Variants in MPV17 observed in about 807,000 individuals in gnomAD.
The protein encoded by MPV17 is mitochondrial inner membrane protein MPV17, also known as MPV17, mitochondrial inner membrane protein.
In MPV17, 31 loss-of-function variants were observed where a neutral mutation model predicts 28.6. The ratio of observed to expected loss-of-function variants is 1.08; its 90% CI spans 0.81 to 1.46. MPV17 has a LOEUF of 1.46. Among genes scored for constraint, MPV17 ranks in the 40% most tolerant of loss-of-function variants. The pLI is 0.00. For synonymous variants in MPV17, 87 were observed against 85.3 expected (o/e 1.02, Z -0.11); for missense variants, 198 against 216.2 (o/e 0.92, Z 0.53).
rs1413967658 is a variant in MPV17 at position 27,309,725 on chromosome 2, C to T, written c.*187G>A. The T allele has an allele frequency of 1.5e-6, 1 of 667,294 alleles. No homozygotes were observed. The highest frequency in any genetic ancestry group is 1.7e-5 in the South Asian group (1 of 58,988). 41.3% of individuals were successfully genotyped at this position (667,294 alleles called of 1,614,324 possible). A position where few individuals can be genotyped will look rare whatever the true frequency, so the allele number is the denominator to read the frequency against. On this transcript the variant is annotated 3_prime_UTR_variant, in exon 8 of 8. Transcript: ENST00000380044. ...TATGTGGTGGGAATAAGACTATTAT[C>T]AAGGGCTCTAAAGCAGTCAGTGTAC... is the stretch of plus-strand genomic sequence containing the variant.
chr2:27,309,957 A>G lies in MPV17; in HGVS notation c.486T>C (p.Ala162=), dbSNP rs1298271939. The change falls in exon 8 of 8, where the codon GCT becomes GCC. Residue 162 remains alanine, a synonymous_variant. Transcript: ENST00000380044. The stretch of plus-strand genomic sequence containing the variant: ...AGGACAGGTAGGAGTTCCAGATAAC[A>G]GCAACACATTGGACAACGGCCAACC... ...HYRLAVVQCV[A]VIWNSYLSWK... is the part of the protein sequence containing the mutation. The G allele has an allele frequency of 6.2e-7, 1 of 1,614,110 alleles. No individual in the cohort carries two copies. Among genetic ancestry groups the G allele is most frequent in the East Asian group, 2.2e-5 (1 of 44,890 alleles).
rs1297478684 is a variant in MPV17 at position 27,312,978 on chromosome 2, T to C, written c.186+16A>G. On this transcript the variant is annotated intron_variant, in intron 3 of 7. Coordinates refer to ENST00000380044, the MANE Select transcript of MPV17 (RefSeq NM_002437.5). ...ACTGTTGAGTCCACTGAAGCCCTGTTGAGGGGAGAACTTACCACAAAGCCA... is the reference window on the plus strand; with the variant it reads ...ACTGTTGAGTCCACTGAAGCCCTGTCGAGGGGAGAACTTACCACAAAGCCA... The C allele has an allele frequency of 6.2e-7, 1 of 1,613,826 alleles. No individual in the cohort carries two copies. Among genetic ancestry groups the C allele is most frequent in the African/African-American group, 1.3e-5 (1 of 75,032 alleles).
rs551434780 is a variant in MPV17, at chr2:27,317,304, C to A, written c.71-4195G>T. 712 of 1,348,216 alleles carry A rather than the reference C, an allele frequency of 5.3e-4. No homozygotes were observed. Among genetic ancestry groups the A allele is most frequent in the Non-Finnish European group, 6.8e-4 (687 of 1,013,668 alleles). The allele number at this position is 1,348,216 out of a possible 1,614,324, so 83.5% of individuals were successfully genotyped here. The stretch of plus-strand genomic sequence containing the variant: ...ACAGAGCCCAGAGGGAGTGGAAGCC[C>A]AGCAGCGGGAGGGGAGTGGATCCTC... On this transcript the variant is annotated intron_variant, in intron 2 of 7. Coordinates refer to ENST00000380044, the MANE Select transcript of MPV17 (RefSeq NM_002437.5). This position sits in a 1 kb window ranked among gnomAD's most constrained non-coding sequence, Gnocchi z 4.0.
intron 3 of MPV17, 108 bp downstream of exon 3, chr2:27,312,884 AAG>A: frequency 6.5e-7 from 1 of 1,541,410 alleles, no homozygotes; most frequent in East Asian, 2.2e-5. Context: ...ACTAAGAAAA[AAG>A]AGGGCGGCAG....
intron 6 of MPV17, 76 bp downstream of exon 6, chr2:27,312,138 G>A (rs1420975652): frequency 3.2e-6 from 5 of 1,543,460 alleles, no homozygotes; most frequent in South Asian, 1.1e-5. Flanking sequence ...TCCCATGTCA[G>A]GAGGACCCCC....
intron 2 of MPV17, among the ~76,000 whole-genome samples, chr2:27,319,925 C>CA (rs780007083): frequency 0.065 from 6,066 of 93,598 alleles, 412 homozygotes; most frequent in African/African-American, 0.2. Context: ...CACCTTATCT[C>CA]AAAAAAAAAA....
At chr2:27,311,513 C>T in intron 7 of MPV17, 3 of 1,335,988 alleles carry the variant, frequency 2.2e-6, no homozygotes, top group Non-Finnish European at 3.1e-6. Flanking sequence ...TGCAGTTCAG[C>T]AACTGTCTTT....
intron 6 of MPV17, 73 bp downstream of exon 6, chr2:27,312,141 G>A (rs1679466947): frequency 6.5e-7 from 1 of 1,544,908 alleles, no homozygotes; most frequent in Non-Finnish European, 9.0e-7. Flanking sequence ...CATGTCAGGA[G>A]GACCCCCCAA....
chr2:27,322,617 C>G, intron 1 of MPV17, 95 bp from the exon 2 acceptor site: 1 of 995,866 alleles, frequency 1.0e-6, no homozygotes, highest in Non-Finnish European at 1.6e-6. Flanking sequence ...CCTTCCCCTT[C>G]CCACTTCCAA....
At position 27,322,644 on chromosome 2, in the gene MPV17, A is replaced by C. The variant is rs1175813954; in HGVS notation, c.-5-122T>G. The C allele has an allele frequency of 5.2e-6, 4 of 774,570 alleles. No individual in the cohort carries two copies. The African/African-American group carries it at 6.8e-5, about 13-fold the overall frequency. The allele number at this position is 774,570 out of a possible 1,614,324, so 48.0% of individuals were successfully genotyped here. On this transcript the variant is annotated intron_variant, in intron 1 of 7. Coordinates refer to ENST00000380044, the MANE Select transcript of MPV17 (RefSeq NM_002437.5). Reference sequence around the variant, plus strand: ...CACTTCCAATGTGACTTAAAGGGGCAGAGGCCACATGAAGGATGCTTCCCA... The same window carrying C: ...CACTTCCAATGTGACTTAAAGGGGCCGAGGCCACATGAAGGATGCTTCCCA...
At chr2:27,310,010 G>A (rs765790732) in intron 7 of MPV17, 29 bp from the exon 8 acceptor site, 2 of 1,580,150 alleles carry the variant, frequency 1.3e-6, no homozygotes, top group Non-Finnish European at 1.7e-6. Flanking sequence ...ACAATGAAGA[G>A]GAGGAAGGCT....
In MPV17 at chr2:27,309,920, G is replaced by A. The variant is rs374686068; in HGVS notation, c.523C>T (p.Arg175Trp). ...GATGGAGTGAGGCAGGCTTAGAGCC[G>A]ATGTGCCTTCCAGGACAGGTAGGAG... ...WNSYLSWKAH[R>W]L The change falls in exon 8 of 8, where the codon CGG becomes TGG. Residue 175 changes from arginine to tryptophan, a missense_variant. Arg to Trp is a moderately radical substitution (Grantham distance 101). Coordinates refer to ENST00000380044, the MANE Select transcript of MPV17 (RefSeq NM_002437.5). 1.3e-5 allele frequency: 21 copies of A among 1,613,600 alleles called. No individual in the cohort carries two copies. The highest frequency in any genetic ancestry group is 4.0e-5 in the African/African-American group (3 of 74,922).
chr2:27,312,217 G>T lies in MPV17; in HGVS notation c.405C>A (p.Tyr135Ter), dbSNP rs774833271. The T allele has an allele frequency of 1.2e-6, 2 of 1,614,026 alleles. No homozygotes were observed. Among genetic ancestry groups the T allele is most frequent in the Non-Finnish European group, 1.7e-6 (2 of 1,179,864 alleles). Reference sequence around the variant, plus strand: ...CAGTTGAGGTGTCAGCTCTTACATAGTAGTTGGTGATAAGGGCATCAGGAT... The same window carrying T: ...CAGTTGAGGTGTCAGCTCTTACATATTAGTTGGTGATAAGGGCATCAGGAT... ...RDYPDALITN[Y>*]YLWPAVQLAN... is the part of the protein sequence containing the mutation. The change falls in exon 6 of 8, where the codon TAC becomes TAA. Residue 135 changes from tyrosine to a stop codon, truncating the protein, a stop_gained. Coordinates refer to ENST00000380044, the MANE Select transcript of MPV17 (RefSeq NM_002437.5). LOFTEE classifies it high-confidence loss of function.
rs756530281 is a variant in MPV17 at position 27,312,696 on chromosome 2, T to A, written c.263A>T (p.Lys88Met). 84 of 1,614,060 alleles carry A rather than the reference T, an allele frequency of 5.2e-5. No homozygotes were observed. The highest frequency in any genetic ancestry group is 1.6e-4 in the Middle Eastern group (1 of 6,084). ...CCTGCTCACCTGATCCAACAACATC[T>A]TCTTCAGTGCATCCACTTTGGTGGT... ...PGTTKVDALK[K>M]MLLDQGGFAP... The change falls in exon 4 of 8, where the codon AAG becomes ATG. Residue 88 changes from lysine (K) to methionine (M), a missense_variant. Coordinates refer to ENST00000380044, the MANE Select transcript of MPV17 (RefSeq NM_002437.5).
intron 2 of MPV17, among the ~76,000 whole-genome samples, chr2:27,315,075 C>T (rs1026530836): frequency 3.9e-5 from 6 of 152,200 alleles, no homozygotes; most frequent in East Asian, 1.9e-4. Flanking sequence ...CAGAACACTG[C>T]GAGGCATGAC....
chr2:27,317,069 T>A lies in MPV17; in HGVS notation c.71-3960A>T. The stretch of plus-strand genomic sequence containing the variant: ...TTCCCTACTTCTCCTATTTTGTTCC[T>A]CTACTTACTTTTGTGGCTTTTGAGT... On this transcript the variant is annotated intron_variant, in intron 2 of 7. Coordinates refer to ENST00000380044, the MANE Select transcript of MPV17 (RefSeq NM_002437.5). This position sits in a 1 kb window ranked among gnomAD's most constrained non-coding sequence, Gnocchi z 4.0. 6.5e-7 allele frequency: 1 copy of A among 1,545,062 alleles called. No homozygotes were observed. The highest frequency in any genetic ancestry group is 8.7e-7 in the Non-Finnish European group (1 of 1,144,980).
intron 2 of MPV17, 145 bp downstream of exon 2, chr2:27,322,303 G>C (rs1679889478): frequency 1.3e-6 from 1 of 792,680 alleles, no homozygotes; most frequent in South Asian, 1.4e-5. Context: ...CTCCAAAACA[G>C]ACTGGGGACA....
At chr2:27,318,667 T>G (rs1679746371) in intron 2 of MPV17, among the ~76,000 whole-genome samples, 1 of 152,060 alleles carries the variant, frequency 6.6e-6, no homozygotes, top group Non-Finnish European at 1.5e-5. Context: ...CTTTGGAATC[T>G]TTGACCATTG....
chr2:27,321,583 A>G (rs1679860668), intron 2 of MPV17, among the ~76,000 whole-genome samples: 1 of 152,160 alleles, frequency 6.6e-6, no homozygotes, highest in African/African-American at 2.4e-5. Flanking sequence ...TTGCACCCCA[A>G]TGTTCTAAGG....
Sources: allele counts gnomAD v4.1 joint callset (sites outside exome capture counted in the v4.1 genomes callset), GRCh38; gene constraint gnomAD v4.1.1; non-coding constraint Gnocchi (gnomAD v3.1); transcripts MANE v1.5; gene names NCBI Gene and HGNC (gene_info 2026-07-23, HGNC 2026-07-21).